The following ROCK2 variants were observed in gnomAD, a reference collection of about 807,000 sequenced individuals.
ROCK2 encodes Rho associated coiled-coil containing protein kinase 2.
A neutral mutation model predicts 195.1 loss-of-function variants in ROCK2; 61 were observed. That is an observed-to-expected ratio of 0.31 (90% CI 0.25 to 0.39). The LOEUF is 0.39. Ranked by LOEUF, ROCK2 falls within the 10% of genes least tolerant of loss-of-function variation. ROCK2 has a pLI of 1.00. For missense variants in ROCK2, 1,109 were observed against 1,637.4 expected (o/e 0.68, Z 5.57); for synonymous variants, 504 against 545.5 (o/e 0.92, Z 1.06).
At chr2:11,310,817 ATTAC>A (rs1030809987) in intron 1 of ROCK2, among the ~76,000 whole-genome samples, 5 of 152,050 alleles carry the variant, frequency 3.3e-5, no homozygotes, top group African/African-American at 9.7e-5. Context: ...GTTACACTAA[ATTAC>A]TTAATTTTCC....
At chr2:11,275,652 A>T (rs900803827) in intron 3 of ROCK2, among the ~76,000 whole-genome samples, 1 of 150,126 alleles carries the variant, frequency 6.7e-6, no homozygotes, top group African/African-American at 2.5e-5. Flanking sequence ...ACACATAATC[A>T]TTTCAATTGA....
chr2:11,286,505 C>A (rs1368538904), intron 3 of ROCK2, 34 bp downstream of exon 3: 1 of 1,319,148 alleles, frequency 7.6e-7, no homozygotes, highest in South Asian at 1.2e-5. Flanking sequence ...ACCATGATGT[C>A]ATAGAGAACA....
intron 4 of ROCK2, among the ~76,000 whole-genome samples, chr2:11,239,844 G>A (rs1485177853): frequency 6.6e-6 from 1 of 152,140 alleles, no homozygotes; most frequent in East Asian, 1.9e-4. Flanking sequence ...TGGACTTACT[G>A]GCTACAAATT....
In ROCK2 at chr2:11,198,577, T is replaced by C. The variant is rs1294174587; in HGVS notation, c.3013A>G (p.Arg1005Gly). 3.7e-6 allele frequency: 6 copies of C among 1,612,992 alleles called. No individual in the cohort carries two copies. The highest frequency in any genetic ancestry group is 1.3e-5 in the African/African-American group (1 of 74,904). ...GCGCTTATTTCTTCATCTTTCAATC[T>C]TGACAGTTCTGAAACATGGAAAAAA... ...KLKDVQEQLS[R>G]LKDEEISAAA... Residue 1005 changes from arginine to glycine, a missense_variant, in exon 25 of 33, where the codon AGA becomes GGA. By Grantham distance (125) the Arg-to-Gly change is moderately radical. Around this residue, in one of 6 missense-constraint regions of ROCK2, gnomAD observed 542 missense variants for 672.0 expected, o/e 0.81. Coordinates refer to ENST00000315872, the MANE Select transcript of ROCK2 (RefSeq NM_004850.5).
At chr2:11,318,746 T>G (rs979648696) in intron 1 of ROCK2, among the ~76,000 whole-genome samples, 2 of 152,224 alleles carry the variant, frequency 1.3e-5, no homozygotes, top group African/African-American at 4.8e-5. Flanking sequence ...TGACTAACAT[T>G]TAAGTCTTTA....
At chr2:11,190,243 T>C (rs1410523103) in intron 32 of ROCK2, among the ~76,000 whole-genome samples, 3 of 152,148 alleles carry the variant, frequency 2.0e-5, no homozygotes, top group African/African-American at 7.2e-5. Flanking sequence ...AATTTTGATA[T>C]TAGTTTTATT....
chr2:11,314,315 C>G (rs1668126341), intron 1 of ROCK2, among the ~76,000 whole-genome samples: 1 of 122,986 alleles, frequency 8.1e-6, no homozygotes, highest in Non-Finnish European at 2.0e-5. Context: ...GACATACGTC[C>G]TTTGTCTGTA....
At chr2:11,270,339 C>T (rs1356199583) in intron 3 of ROCK2, among the ~76,000 whole-genome samples, 2 of 152,092 alleles carry the variant, frequency 1.3e-5, no homozygotes, top group East Asian at 1.9e-4. Flanking sequence ...CTAAATCTAA[C>T]GTTTAAGACA....
rs961835571 is a variant in ROCK2, at chr2:11,224,353, T to C, written c.976A>G (p.Lys326Glu). ...PEDAEISKHA[K>E]NLICAFLTDR... Reference sequence around the variant, plus strand: ...GTTAAGAAAGCACAGATGAGATTCTTTGCATGTTTGGAAATTTCTGCATCT... The same window carrying C: ...GTTAAGAAAGCACAGATGAGATTCTCTGCATGTTTGGAAATTTCTGCATCT... The change falls in exon 7 of 33, where the codon AAG becomes GAG. Residue 326 changes from lysine to glutamate, a missense_variant. Coordinates refer to ENST00000315872, the MANE Select transcript of ROCK2 (RefSeq NM_004850.5). 1 of 1,613,376 alleles carries C rather than the reference T, an allele frequency of 6.2e-7. No individual in the cohort carries two copies. The highest frequency in any genetic ancestry group is 1.7e-5 in the Admixed American group (1 of 59,952).
At chr2:11,195,363 G>GT (rs1301988537) in intron 27 of ROCK2, among the ~76,000 whole-genome samples, 1 of 149,574 alleles carries the variant, frequency 6.7e-6, no homozygotes, top group Non-Finnish European at 1.5e-5. Flanking sequence ...ATTCTCACTG[G>GT]TACACCTGCC....
intron 1 of ROCK2, among the ~76,000 whole-genome samples, chr2:11,297,800 C>A (rs1191664474): frequency 6.6e-6 from 1 of 152,026 alleles, no homozygotes; most frequent in African/African-American, 2.4e-5. Flanking sequence ...TCTCTGAGTA[C>A]CTTTATGAAC....
rs560439933 is a variant in ROCK2, at chr2:11,204,106, C to T, written c.2550-1985G>A. Among the ~76,000 whole-genome samples, 3 of 152,268 alleles carry T rather than the reference C, an allele frequency of 2.0e-5. No individual in the cohort carries two copies. The South Asian group carries it at 6.2e-4, about 32-fold the overall frequency. On this transcript the variant is annotated intron_variant, in intron 20 of 32. Coordinates refer to ENST00000315872, the MANE Select transcript of ROCK2 (RefSeq NM_004850.5). The stretch of plus-strand genomic sequence containing the variant: ...GTCTCCTCATTTGACACCTCTCCAC[C>T]CCTACTAATCCTATTCGCCTAGAAG...
chr2:11,333,144 T>C (rs1181605196), intron 1 of ROCK2, among the ~76,000 whole-genome samples: 1 of 152,232 alleles, frequency 6.6e-6, no homozygotes, highest in Non-Finnish European at 1.5e-5. Context: ...AAGACATTAA[T>C]GGTGTATAAA....
intron 1 of ROCK2, among the ~76,000 whole-genome samples, chr2:11,314,753 G>A (rs1668139796): frequency 6.6e-6 from 1 of 151,870 alleles, no homozygotes. Flanking sequence ...ATAAAGCCAG[G>A]CAAATATGAT....
chr2:11,225,693 T>C (rs937862355), intron 6 of ROCK2, among the ~76,000 whole-genome samples: 3 of 152,106 alleles, frequency 2.0e-5, no homozygotes, highest in African/African-American at 7.2e-5. Flanking sequence ...TAAAGTACCT[T>C]ATTTTGTAAA....
In ROCK2 at chr2:11,182,007, TAAA is replaced by T. The variant is rs967621808; in HGVS notation, c.*1427_*1429del. ...GAGACTGTTAAAAGACTTCATAATA[TAAA>T]AAAAAACAAAAACAAAAAAAAAACT... On this transcript the variant is annotated 3_prime_UTR_variant, in exon 33 of 33. Transcript: ENST00000315872. 1 of 101,632 alleles carries T rather than the reference TAAA, an allele frequency of 9.8e-6. No homozygotes were observed. The highest frequency in any genetic ancestry group is 3.4e-4 in the South Asian group (1 of 2,906). 6.3% of individuals were successfully genotyped at this position (101,632 alleles called of 1,614,324 possible). A position where few individuals can be genotyped will look rare whatever the true frequency, so the allele number is the denominator to read the frequency against.
intron 1 of ROCK2, among the ~76,000 whole-genome samples, chr2:11,328,002 G>A (rs1437280032): frequency 1.3e-5 from 2 of 152,206 alleles, no homozygotes. Context: ...AGGGCAAAGA[G>A]TATAGAGAAC....
intron 4 of ROCK2, among the ~76,000 whole-genome samples, chr2:11,240,625 T>A (rs573663486): frequency 6.6e-6 from 1 of 152,176 alleles, no homozygotes; most frequent in African/African-American, 2.4e-5. Context: ...TAATAGGAAA[T>A]GTCATTGAAG....
intron 1 of ROCK2, among the ~76,000 whole-genome samples, chr2:11,319,778 TG>T (rs1197149141): frequency 1.2e-4 from 14 of 119,010 alleles, no homozygotes; most frequent in African/African-American, 4.2e-4. Context: ...ACGTCCCATC[TG>T]ATCTACACAT....
Sources: gnomAD v4.1 joint callset for allele counts (sites outside exome capture counted in the v4.1 genomes callset) on GRCh38, gnomAD v4.1.1 for gene constraint, gnomAD v4.1.1 regional missense constraint, MANE v1.5 for transcripts, NCBI Gene and HGNC (gene_info 2026-07-23, HGNC 2026-07-21) for gene names.